TBC1D32: variants seen among roughly 807,000 people sequenced by gnomAD.
The protein encoded by TBC1D32 is protein broad-minded.
In TBC1D32, 151 loss-of-function variants were observed where a neutral mutation model predicts 170.3. That is an observed-to-expected ratio of 0.89 (90% CI 0.78 to 1.01). The LOEUF (loss-of-function observed/expected upper bound fraction) is 1.01. TBC1D32 is among the 50% of genes least tolerant of loss of function. The probability of loss-of-function intolerance (pLI) is 0.00; values close to 1 mark genes in which losing one functional copy is unlikely to be tolerated. For missense variants in TBC1D32, 1,464 were observed against 1,457.1 expected, an observed-to-expected ratio of 1.00 and a Z score of -0.08; for synonymous variants, 498 against 488.0, an observed-to-expected ratio of 1.02 and a Z score of -0.27.
intron 15 of TBC1D32, among the ~76,000 whole-genome samples, chr6:121,266,511 T>C (rs1800503017): frequency 6.6e-6 from 1 of 152,164 alleles, no homozygotes; most frequent in Non-Finnish European, 1.5e-5. Flanking sequence ...TGGCAATTCC[T>C]CAAGGATCTA....
rs749695630 is a variant in TBC1D32 at position 121,112,537 on chromosome 6, C to T, written c.3292G>A (p.Ala1098Thr). The T allele has an allele frequency of 1.9e-6, 3 of 1,608,578 alleles. No individual in the cohort carries two copies. Among genetic ancestry groups the T allele is most frequent in the East Asian group, 2.2e-5 (1 of 44,610 alleles). The change falls in exon 29 of 32, where the codon GCT becomes ACT. Residue 1098 changes from alanine to threonine, a missense_variant. Ala to Thr is a moderately conservative substitution (Grantham distance 58, BLOSUM62 0). Transcript: ENST00000398212. ...TGTAGCCTTGGCAACCAAAGAAAAG[C>T]AGAAGTCAGAAGCCTGGAGAATTGA... ...LHQFSRLLTS[A>T]FLWLPRLHIS...
At chr6:121,113,018 T>C (rs1454960828) in intron 28 of TBC1D32, 44 bp downstream of exon 28, 1 of 1,405,574 alleles carries the variant, frequency 7.1e-7, no homozygotes, top group Non-Finnish European at 9.9e-7. Context: ...ATGAAAAATA[T>C]GTGAAAAAAA....
chr6:121,228,474 G>A (rs112346834), intron 20 of TBC1D32, among the ~76,000 whole-genome samples: 2,189 of 152,120 alleles, frequency 0.014, 14 homozygotes, highest in Middle Eastern at 0.034. Context: ...TTTGCATCCA[G>A]TTTGAAATAT....
chr6:121,268,364 G>C (rs1036220169), intron 15 of TBC1D32, among the ~76,000 whole-genome samples: 1 of 152,096 alleles, frequency 6.6e-6, no homozygotes, highest in Admixed American at 6.6e-5. Flanking sequence ...AAAATCTTCA[G>C]AAAAGATTAG....
intron 24 of TBC1D32, among the ~76,000 whole-genome samples, chr6:121,146,191 T>C (rs1783422173): frequency 6.6e-6 from 1 of 152,200 alleles, no homozygotes; most frequent in Non-Finnish European, 1.5e-5. Context: ...TTATTATAAG[T>C]AACTGGCTCA....
At chr6:121,111,635 A>T (rs1386826083) in intron 29 of TBC1D32, among the ~76,000 whole-genome samples, 1 of 152,176 alleles carries the variant, frequency 6.6e-6, no homozygotes, top group Non-Finnish European at 1.5e-5. Flanking sequence ...AAGAACAAGA[A>T]TTGGATGATC....
intron 23 of TBC1D32, among the ~76,000 whole-genome samples, chr6:121,160,500 G>GA (rs1447109515): frequency 2.0e-5 from 3 of 151,926 alleles, no homozygotes; most frequent in Admixed American, 1.3e-4. Context: ...GTCAAAGCAA[G>GA]AAGGTTCTTA....
chr6:121,238,901 T>A (rs1173024971), intron 20 of TBC1D32, among the ~76,000 whole-genome samples, 169 bp downstream of exon 20: 1 of 152,126 alleles, frequency 6.6e-6, no homozygotes, highest in Non-Finnish European at 1.5e-5. Context: ...TTCTATCATT[T>A]GCTAAACTTA....
intron 2 of TBC1D32, among the ~76,000 whole-genome samples, chr6:121,320,725 T>C (rs1024646492): frequency 2.0e-5 from 3 of 152,264 alleles, no homozygotes; most frequent in East Asian, 3.9e-4. Context: ...ATACAATCAG[T>C]TGTCCCAAAG....
intron 25 of TBC1D32, among the ~76,000 whole-genome samples, chr6:121,129,233 T>A (rs1781167443): frequency 6.6e-6 from 1 of 152,234 alleles, no homozygotes; most frequent in Non-Finnish European, 1.5e-5. Flanking sequence ...TGAGTACCCA[T>A]ACAACCATTC....
chr6:121,242,143 T>C (rs1797065071), intron 18 of TBC1D32, 58 bp downstream of exon 18: 25 of 1,552,694 alleles, frequency 1.6e-5, no homozygotes, highest in Non-Finnish European at 2.2e-5. Context: ...AATGATGTTC[T>C]TAATGGCTTT....
intron 10 of TBC1D32, among the ~76,000 whole-genome samples, chr6:121,296,934 TC>T (rs1805732539): frequency 6.6e-6 from 1 of 152,110 alleles, no homozygotes; most frequent in African/African-American, 2.4e-5. Context: ...AAAGACTCTT[TC>T]GTTCATTTGA....
At chr6:121,130,260 T>A (rs1000834998) in intron 25 of TBC1D32, among the ~76,000 whole-genome samples, 2 of 152,064 alleles carry the variant, frequency 1.3e-5, no homozygotes, top group African/African-American at 2.4e-5. Context: ...GGCGGGTGGA[T>A]CACCTGAGAT....
At chr6:121,115,305 T>C (rs1779587126) in intron 26 of TBC1D32, 64 bp from the exon 27 acceptor site, 2 of 1,213,912 alleles carry the variant, frequency 1.6e-6, no homozygotes, top group East Asian at 2.6e-5. Context: ...CACATTTTAA[T>C]TGAAAATTGA....
chr6:121,222,165 C>T (rs1416799905), intron 21 of TBC1D32, among the ~76,000 whole-genome samples: 1 of 132,748 alleles, frequency 7.5e-6, no homozygotes, highest in Non-Finnish European at 1.6e-5. Flanking sequence ...TTTTTGGCAA[C>T]AAAGTATTTT....
At chr6:121,308,452 G>A (rs937345427) in intron 4 of TBC1D32, among the ~76,000 whole-genome samples, 3 of 151,830 alleles carry the variant, frequency 2.0e-5, no homozygotes, top group African/African-American at 7.2e-5. Context: ...CCCTATTCTA[G>A]GCCGTTCCTA....
chr6:121,129,883 T>C (rs183821607), intron 25 of TBC1D32: 2 of 450,908 alleles, frequency 4.4e-6, no homozygotes, highest in Admixed American at 4.8e-5. Flanking sequence ...TTTTATACTC[T>C]CGATGGTATC....
At chr6:121,236,125 T>C (rs1355361911) in intron 20 of TBC1D32, among the ~76,000 whole-genome samples, 1 of 116,396 alleles carries the variant, frequency 8.6e-6, no homozygotes, top group East Asian at 2.0e-4. Flanking sequence ...TGTGTTTTTA[T>C]TTTTGTTTTT....
intron 24 of TBC1D32, among the ~76,000 whole-genome samples, chr6:121,157,549 T>G (rs1785064236): frequency 6.6e-6 from 1 of 152,114 alleles, no homozygotes; most frequent in South Asian, 2.1e-4. Flanking sequence ...TGTCATTCGG[T>G]TGGCAGTTGG....
Sources: gnomAD v4.1 joint callset for allele counts (sites outside exome capture counted in the v4.1 genomes callset) on GRCh38, gnomAD v4.1.1 for gene constraint, MANE v1.5 for transcripts, NCBI Gene and HGNC (gene_info 2026-07-23, HGNC 2026-07-21) for gene names.